ADAMTSL4: variants seen among roughly 807,000 people sequenced by gnomAD.
ADAMTSL4 encodes ADAMTS-like protein 4.
In ADAMTSL4, 97 loss-of-function variants were observed where a neutral mutation model predicts 122.8. The observed-to-expected ratio is 0.79, with a 90% CI of 0.67 to 0.93. The LOEUF (loss-of-function observed/expected upper bound fraction) is 0.93, where lower values mean the gene tolerates loss of function less well. Ranked by LOEUF, ADAMTSL4 falls within the 40% of genes least tolerant of loss-of-function variation. The pLI is 0.00. For missense variants in ADAMTSL4, 1,408 were observed against 1,453.5 expected, an observed-to-expected ratio of 0.97 and a Z score of 0.51; for synonymous variants, 592 against 568.0, an observed-to-expected ratio of 1.04 and a Z score of -0.60.
Position 150,556,614 on chromosome 1 carries a change from C to T in ADAMTSL4, c.1577-7C>T. 1 of 1,614,036 alleles carries T rather than the reference C, an allele frequency of 6.2e-7. No individual in the cohort carries two copies. Among genetic ancestry groups the T allele is most frequent in the South Asian group, 1.1e-5 (1 of 91,086 alleles). The stretch of plus-strand genomic sequence containing the variant: ...GAATTTCCCGATCTCTCACCTCTGA[C>T]CCGCAGCACTTCGTGGCCCTGGGGG... On this transcript the variant is annotated splice_polypyrimidine_tract_variant and splice_region_variant and intron_variant, in intron 9 of 18. Coordinates refer to ENST00000271643, the MANE Select transcript of ADAMTSL4 (RefSeq NM_019032.6). The surrounding 1 kb of genome is among the most constrained non-coding windows in gnomAD (Gnocchi z 4.1).
chr1:150,554,455 CCCTTCACTG>C lies in ADAMTSL4; in HGVS notation c.1223_1231del (p.Pro408_Glu411delinsGln). 1.2e-6 allele frequency: 2 copies of C among 1,614,098 alleles called. No individual in the cohort carries two copies. The highest frequency in any genetic ancestry group is 1.7e-6 in the Non-Finnish European group (2 of 1,180,004). On this transcript the variant is annotated inframe_deletion, in exon 7 of 19. Coordinates refer to ENST00000271643, the MANE Select transcript of ADAMTSL4 (RefSeq NM_019032.6). The surrounding 1 kb of genome is among the most constrained non-coding windows in gnomAD (Gnocchi z 4.0). ...CATGGGCCAGCTGTATCAGTGGGAGCCCTTCACTGAAGGTGAGGTTTCTTGCTCACCCCT... is the reference window on the plus strand; with the variant it reads ...CATGGGCCAGCTGTATCAGTGGGAGCAAGGTGAGGTTTCTTGCTCACCCCT...
chr1:150,552,506 C>G lies in ADAMTSL4; in HGVS notation c.21-37C>G. 1 of 1,613,792 alleles carries G rather than the reference C, an allele frequency of 6.2e-7. No homozygotes were observed. Among genetic ancestry groups the G allele is most frequent in the African/African-American group, 1.3e-5 (1 of 74,994 alleles). On this transcript the variant is annotated intron_variant, in intron 3 of 18. Transcript: ENST00000271643. The surrounding 1 kb of genome is among the most constrained non-coding windows in gnomAD (Gnocchi z 4.0). ...CAGTGTTGCAACACCCCCTCTGGCT[C>G]CAGTCTGACGTCCCTCCCCTGGCCT...
At chr1:150,553,393 A>G in intron 5 of ADAMTSL4, 33 bp from the exon 6 acceptor site, 1 of 1,611,952 alleles carries the variant, frequency 6.2e-7, no homozygotes, top group East Asian at 2.2e-5. Context: ...AGGTGGTCAG[A>G]GCTGTGCCCC....
chr1:150,553,395 C>T, intron 5 of ADAMTSL4, 31 bp from the exon 6 acceptor site: 1 of 1,611,292 alleles, frequency 6.2e-7, no homozygotes, highest in Non-Finnish European at 8.5e-7. Context: ...GTGGTCAGAG[C>T]TGTGCCCCCA....
At position 150,553,124 on chromosome 1, in the gene ADAMTSL4, C is replaced by T. The variant is rs1321971315; in HGVS notation, c.305C>T (p.Pro102Leu). Residue 102 changes from proline to leucine, a missense_variant, in exon 5 of 19, where the codon CCC becomes CTC. By Grantham distance (98) the Pro-to-Leu change is moderately conservative. Transcript: ENST00000271643. ...PEALLPRGQG[P>L]RPQTSPETLP... ...GCCCTCCTCCCCCGGGGCCAGGGTC[C>T]CAGACCCCAGACTTCTCCAGAAACC... 6.2e-7 allele frequency: 1 copy of T among 1,613,222 alleles called. No homozygotes were observed. The highest frequency in any genetic ancestry group is 1.1e-5 in the South Asian group (1 of 90,972).
Position 150,549,459 on chromosome 1 carries a change from G to A in ADAMTSL4, c.-199G>A, listed in dbSNP as rs1671179173. The A allele has an allele frequency of 1.3e-5, 2 of 152,204 alleles. No individual in the cohort carries two copies. The highest frequency in any genetic ancestry group is 4.8e-5 in the African/African-American group (2 of 41,422). The allele number at this position is 152,204 out of a possible 1,614,324, so 9.4% of individuals were successfully genotyped here. A position where few individuals can be genotyped will look rare whatever the true frequency, so the allele number is the denominator to read the frequency against. ...GAGGTTGCCTGGAGAGAGCGCCTGG[G>A]CGCAGAAGGGTTAACGGGCCACCGG... On this transcript the variant is annotated 5_prime_UTR_variant, in exon 1 of 19. Transcript: ENST00000271643. The surrounding 1 kb of genome is among the most constrained non-coding windows in gnomAD (Gnocchi z 5.0).
chr1:150,559,097 G>A lies in ADAMTSL4; in HGVS notation c.2695G>A (p.Asp899Asn). The stretch of plus-strand genomic sequence containing the variant: ...CTGTCCAACAGGAAGCCGGCCCCCT[G>A]ACATGCGCGCCTGCAGCCTGGGGCC... ...QSCPTGSRPP[D>N]MRACSLGPCE... The change falls in exon 16 of 19, where the codon GAC becomes AAC. Residue 899 changes from aspartate (D) to asparagine (N), a missense_variant. By Grantham distance (23) the Asp-to-Asn change is conservative. Transcript: ENST00000271643. The surrounding 1 kb of genome is among the most constrained non-coding windows in gnomAD (Gnocchi z 4.1). The A allele has an allele frequency of 6.2e-7, 1 of 1,612,884 alleles. No individual in the cohort carries two copies. The highest frequency in any genetic ancestry group is 8.5e-7 in the Non-Finnish European group (1 of 1,179,944).
Position 150,552,206 on chromosome 1 carries a change from G to C in ADAMTSL4, c.-83G>C. 6.9e-7 allele frequency: 1 copy of C among 1,446,292 alleles called. No individual in the cohort carries two copies. The highest frequency in any genetic ancestry group is 9.5e-7 in the Non-Finnish European group (1 of 1,056,982). The allele number at this position is 1,446,292 out of a possible 1,614,324, so 89.6% of individuals were successfully genotyped here. On this transcript the variant is annotated splice_region_variant and 5_prime_UTR_variant, in exon 3 of 19. Transcript: ENST00000271643. This position sits in a 1 kb window ranked among gnomAD's most constrained non-coding sequence, Gnocchi z 4.0. ...ACCACCAGGCTTCTGTCCCTGCAGA[G>C]AGCACCCTCCACGCCCAGATGCCTG...
chr1:150,552,317 AGG>A lies in ADAMTSL4; in HGVS notation c.20+12_20+13del. 1 of 1,551,034 alleles carries A rather than the reference AGG, an allele frequency of 6.4e-7. No individual in the cohort carries two copies. The highest frequency in any genetic ancestry group is 8.7e-7 in the Non-Finnish European group (1 of 1,144,738). ...GAGAACTGGACTGGCAGGTGAGAGAAGGGGCCACGGGTTGGGGGGGAGGAAAA... is the reference window on the plus strand; with the variant it reads ...GAGAACTGGACTGGCAGGTGAGAGAAGGCCACGGGTTGGGGGGGAGGAAAA... On this transcript the variant is annotated intron_variant, in intron 3 of 18. Coordinates refer to ENST00000271643, the MANE Select transcript of ADAMTSL4 (RefSeq NM_019032.6). The surrounding 1 kb of genome is among the most constrained non-coding windows in gnomAD (Gnocchi z 4.0).
Position 150,558,504 on chromosome 1 carries a change from G to A in ADAMTSL4, c.2414G>A (p.Ser805Asn), listed in dbSNP as rs1370459990. Residue 805 changes from serine to asparagine, a missense_variant, in exon 15 of 19, where the codon AGC (serine) becomes AAC (asparagine). Physicochemically the swap from Ser to Asn is conservative, Grantham distance 46 (BLOSUM62 1). Transcript: ENST00000271643. The part of the protein sequence containing the change: ...CSVRCGRGQR[S>N]RQVRCVGNNG... ...GTGCGGTGCGGCCGGGGCCAGAGAA[G>A]CCGGCAGGTTCGCTGTGTTGGGAAC... The A allele has an allele frequency of 1.9e-6, 3 of 1,613,786 alleles. No individual in the cohort carries two copies. The highest frequency in any genetic ancestry group is 2.5e-6 in the Non-Finnish European group (3 of 1,179,996).
In ADAMTSL4 at chr1:150,559,223, G is replaced by T; in HGVS notation, c.2763+58G>T. 6.2e-7 allele frequency: 1 copy of T among 1,612,588 alleles called. No individual in the cohort carries two copies. The highest frequency in any genetic ancestry group is 8.5e-7 in the Non-Finnish European group (1 of 1,179,392). Reference sequence around the variant, plus strand: ...GGTGCCAGTCCCAGTGGGATTCCTTGTGGGCACTTGGGGTGCTCTCTGTCC... The same window carrying T: ...GGTGCCAGTCCCAGTGGGATTCCTTTTGGGCACTTGGGGTGCTCTCTGTCC... On this transcript the variant is annotated intron_variant, in intron 16 of 18. Transcript: ENST00000271643. This position sits in a 1 kb window ranked among gnomAD's most constrained non-coding sequence, Gnocchi z 4.1.
Position 150,552,539 on chromosome 1 carries a change from G to A in ADAMTSL4, c.21-4G>A. On this transcript the variant is annotated splice_polypyrimidine_tract_variant and splice_region_variant and intron_variant, in intron 3 of 18. Coordinates refer to ENST00000271643, the MANE Select transcript of ADAMTSL4 (RefSeq NM_019032.6). This position sits in a 1 kb window ranked among gnomAD's most constrained non-coding sequence, Gnocchi z 4.0. ...ACGTCCCTCCCCTGGCCTTTGGTTT[G>A]CAGGCCCTGGCTGTATCTGCTGCTG... is the stretch of plus-strand genomic sequence containing the variant. 6.2e-7 allele frequency: 1 copy of A among 1,614,040 alleles called. No homozygotes were observed. The highest frequency in any genetic ancestry group is 2.2e-5 in the East Asian group (1 of 44,878).
At chr1:150,555,715 ACACG>A in intron 8 of ADAMTSL4, 150 bp downstream of exon 8, 2 of 1,106,594 alleles carry the variant, frequency 1.8e-6, no homozygotes, top group Non-Finnish European at 2.6e-6. Flanking sequence ...ACACATGCAC[ACACG>A]CACACACACA....
Position 150,559,003 on chromosome 1 carries a change from G to C in ADAMTSL4, c.2601G>C (p.Val867=), listed in dbSNP as rs757023110. The C allele has an allele frequency of 1.9e-6, 3 of 1,611,558 alleles. No individual in the cohort carries two copies. In the South Asian group the frequency reaches 3.3e-5, roughly 18 times the overall value. Residue 867 remains valine, a synonymous_variant, in exon 16 of 19, where the codon GTG becomes GTC. Transcript: ENST00000271643. This position sits in a 1 kb window ranked among gnomAD's most constrained non-coding sequence, Gnocchi z 4.1. ...GGACGGGAATCCAGCGGCGCTCTGT[G>C]GTCTGCCTTGGGAGTGGGGCAGCCC... ...ECGTGIQRRS[V]VCLGSGAALG...
At chr1:150,551,040 G>T (rs778896223) in intron 2 of ADAMTSL4, 1 of 455,596 alleles carries the variant, frequency 2.2e-6, no homozygotes, top group Non-Finnish European at 4.4e-6. Flanking sequence ...GAGGAGCAGG[G>T]GTGGGAAGGA....
At chr1:150,553,277 T>C (rs776742445) in intron 5 of ADAMTSL4, 24 bp downstream of exon 5, 1 of 1,609,220 alleles carries the variant, frequency 6.2e-7, no homozygotes, top group Non-Finnish European at 8.5e-7. Flanking sequence ...GTGGAAGAGG[T>C]GGGCCTTGGG....
In ADAMTSL4 at chr1:150,554,802, G is replaced by A. The variant is rs1019410473; in HGVS notation, c.1234+335G>A. ...TGACAGCCAGGTGGGGGTGTGCCAC[G>A]CATCCTGGGCACTGTCGTATCGGTT... is the stretch of plus-strand genomic sequence containing the variant. On this transcript the variant is annotated intron_variant, in intron 7 of 18. Coordinates refer to ENST00000271643, the MANE Select transcript of ADAMTSL4 (RefSeq NM_019032.6). This position sits in a 1 kb window ranked among gnomAD's most constrained non-coding sequence, Gnocchi z 4.0. 4.5e-5 allele frequency: 33 copies of A among 737,560 alleles called. No individual in the cohort carries two copies. Among genetic ancestry groups the A allele is most frequent in the Non-Finnish European group, 5.7e-5 (26 of 458,480 alleles). The allele number at this position is 737,560 out of a possible 1,614,324, so 45.7% of individuals were successfully genotyped here.
intron 8 of ADAMTSL4, chr1:150,555,806 AAC>A: frequency 1.6e-6 from 1 of 634,062 alleles, no homozygotes; most frequent in East Asian, 2.8e-5. Context: ...CACGTGCATG[AAC>A]ACATGCACAC....
chr1:150,552,335 G>A lies in ADAMTSL4; in HGVS notation c.20+27G>A. ...TGAGAGAAGGGGCCACGGGTTGGGG[G>A]GGAGGAAAAGGGGAGGTGCTGGGAT... On this transcript the variant is annotated intron_variant, in intron 3 of 18. Transcript: ENST00000271643. This position sits in a 1 kb window ranked among gnomAD's most constrained non-coding sequence, Gnocchi z 4.0. 1 of 1,553,660 alleles carries A rather than the reference G, an allele frequency of 6.4e-7. No individual in the cohort carries two copies. Among genetic ancestry groups the A allele is most frequent in the Non-Finnish European group, 8.7e-7 (1 of 1,146,870 alleles).
Sources: gnomAD v4.1 joint callset for allele counts on GRCh38, gnomAD v4.1.1 for gene constraint, Gnocchi (gnomAD v3.1) non-coding constraint, MANE v1.5 for transcripts, NCBI Gene and HGNC (gene_info 2026-07-23, HGNC 2026-07-21) for gene names.